Variants in RAB3B observed in about 807,000 individuals in gnomAD.
RAB3B encodes the protein ras-related protein Rab-3B.
RAB3B carries 11 observed loss-of-function variants against 20.5 expected under a neutral mutation model. The observed-to-expected ratio is 0.54, with a 90% confidence interval of 0.34 to 0.89. The LOEUF is 0.89. Ranked by LOEUF, RAB3B falls within the 40% of genes least tolerant of loss-of-function variation. The pLI, the probability that RAB3B is intolerant of heterozygous loss-of-function variation, is 0.02. For missense variants in RAB3B, 225 were observed against 280.9 expected, an observed-to-expected ratio of 0.80 and a Z score of 1.42; for synonymous variants, 99 against 106.3, an observed-to-expected ratio of 0.93 and a Z score of 0.42.
chr1:51,951,131 C>CTT (rs35854435), intron 2 of RAB3B, among the ~76,000 whole-genome samples: 13 of 145,018 alleles, frequency 9.0e-5, no homozygotes, highest in African/African-American at 3.3e-4. Context: ...GTGATGCAGA[C>CTT]TTTTTTTTTT....
chr1:51,977,660 C>T (rs1685028187), intron 1 of RAB3B, among the ~76,000 whole-genome samples: 1 of 152,052 alleles, frequency 6.6e-6, no homozygotes, highest in Admixed American at 6.6e-5. Context: ...CAGTAAAGGG[C>T]TATCATTCTC....
intron 4 of RAB3B, among the ~76,000 whole-genome samples, chr1:51,926,994 C>T (rs1286330878): frequency 1.3e-5 from 2 of 152,192 alleles, no homozygotes; most frequent in Non-Finnish European, 2.9e-5. Context: ...ATAATGCAGC[C>T]TTCTGTGCTA....
At chr1:51,981,920 TG>T (rs1685093875) in intron 1 of RAB3B, among the ~76,000 whole-genome samples, 1 of 152,242 alleles carries the variant, frequency 6.6e-6, no homozygotes, top group South Asian at 2.1e-4. Flanking sequence ...TAAATGACTA[TG>T]TTACTGGCTT....
At chr1:51,956,353 C>A (rs1299403394) in intron 2 of RAB3B, among the ~76,000 whole-genome samples, 1 of 152,118 alleles carries the variant, frequency 6.6e-6, no homozygotes, top group African/African-American at 2.4e-5. Context: ...CTTCATCAGT[C>A]TTCATAACCA....
chr1:51,945,576 C>T lies in RAB3B; in HGVS notation c.229-8164G>A, dbSNP rs80058408. On this transcript the variant is annotated intron_variant, in intron 2 of 4. Transcript: ENST00000371655. ...TGAGGATTAATAATGTTATTATATG[C>T]GAAATGCTTAGAACAGTTCCTGCTG... 2.7e-3 allele frequency among the ~76,000 whole-genome samples: 409 copies of T among 152,220 alleles called. 14 individuals are homozygous for T. The East Asian group carries it at 0.057, about 21-fold the overall frequency.
intron 1 of RAB3B, among the ~76,000 whole-genome samples, chr1:51,989,170 G>A (rs1384926742): frequency 7.5e-6 from 1 of 132,484 alleles, no homozygotes; most frequent in Non-Finnish European, 1.6e-5. Flanking sequence ...CTTTCCATCT[G>A]GATTCCAGGA....
chr1:51,941,075 C>T (rs557101026), intron 2 of RAB3B, among the ~76,000 whole-genome samples: 21 of 151,872 alleles, frequency 1.4e-4, no homozygotes, highest in African/African-American at 1.9e-4. Context: ...GAATCTGCAC[C>T]GAGCCCAGGA....
At chr1:51,987,904 G>A (rs1685171937) in intron 1 of RAB3B, among the ~76,000 whole-genome samples, 1 of 151,910 alleles carries the variant, frequency 6.6e-6, no homozygotes, top group Admixed American at 6.6e-5. Context: ...TAAGAGATGG[G>A]TGTCACTCTG....
Position 51,910,517 on chromosome 1 carries a change from G to T in RAB3B, c.*9410C>A, listed in dbSNP as rs562944777. 1.3e-5 allele frequency: 2 copies of T among 152,222 alleles called. No individual in the cohort carries two copies. The highest frequency in any genetic ancestry group is 3.9e-4 in the East Asian group (2 of 5,172). 9.4% of individuals were successfully genotyped at this position (152,222 alleles called of 1,614,324 possible). On this transcript the variant is annotated 3_prime_UTR_variant, in exon 5 of 5. Coordinates refer to ENST00000371655, the MANE Select transcript of RAB3B (RefSeq NM_002867.4). ...GGACCATCCAAACACAAATTGCTAA[G>T]ATGCTTTCTGGCAGCCTCAGAAACC...
intron 4 of RAB3B, among the ~76,000 whole-genome samples, chr1:51,932,498 G>A (rs1175457556): frequency 1.3e-5 from 2 of 152,140 alleles, no homozygotes; most frequent in Admixed American, 6.5e-5. Flanking sequence ...GGGCACCTAG[G>A]CCTCAAAGGA....
In RAB3B at chr1:51,914,628, A is replaced by G. The variant is rs1054977556; in HGVS notation, c.*5299T>C. 3 of 152,254 alleles carry G rather than the reference A, an allele frequency of 2.0e-5. No individual in the cohort carries two copies. In the East Asian group the frequency reaches 5.8e-4, roughly 29 times the overall value. The allele number at this position is 152,254 out of a possible 1,614,324, so 9.4% of individuals were successfully genotyped here. A position where few individuals can be genotyped will look rare whatever the true frequency, so the allele number is the denominator to read the frequency against. On this transcript the variant is annotated 3_prime_UTR_variant, in exon 5 of 5. Transcript: ENST00000371655. The stretch of plus-strand genomic sequence containing the variant: ...ATATAATGGATCAGGACCTTAAAAA[A>G]CCATCATTTAACAGTATTTATATCT...
At chr1:51,934,035 C>T (rs981258654) in intron 3 of RAB3B, among the ~76,000 whole-genome samples, 9 of 152,192 alleles carry the variant, frequency 5.9e-5, no homozygotes, top group Non-Finnish European at 1.2e-4. Flanking sequence ...CATCCCTCTC[C>T]TCACTGGGCA....
intron 2 of RAB3B, among the ~76,000 whole-genome samples, chr1:51,965,141 C>A (rs1684831873): frequency 6.6e-6 from 1 of 151,586 alleles, no homozygotes; most frequent in Admixed American, 6.6e-5. Context: ...ATTACTTGAA[C>A]CTGGGAGGCA....
At chr1:51,949,860 GC>G (rs1275074547) in intron 2 of RAB3B, among the ~76,000 whole-genome samples, 34 of 152,220 alleles carry the variant, frequency 2.2e-4, no homozygotes, top group South Asian at 4.1e-4. Flanking sequence ...CAGTGCCACA[GC>G]CTTTTGGGTA....
At chr1:51,945,494 T>C (rs1458635234) in intron 2 of RAB3B, among the ~76,000 whole-genome samples, 1 of 152,230 alleles carries the variant, frequency 6.6e-6, no homozygotes, top group African/African-American at 2.4e-5. Context: ...ATTATGGTGA[T>C]CTGGAACTGA....
At chr1:51,967,515 C>CTTTTCTTTTTCTTTTTTTT (rs1444732568) in intron 2 of RAB3B, among the ~76,000 whole-genome samples, 1 of 16,436 alleles carries the variant, frequency 6.1e-5, no homozygotes, top group African/African-American at 9.3e-5. Flanking sequence ...CTTTTCTTTT[C>CTTTTCTTTTTCTTTTTTTT]TTTTTCTTTT....
chr1:51,927,618 A>T (rs991491400), intron 4 of RAB3B, among the ~76,000 whole-genome samples: 8 of 152,052 alleles, frequency 5.3e-5, no homozygotes, highest in Non-Finnish European at 1.2e-4. Context: ...TCTACCAAAA[A>T]AGCAAGCAAA....
At chr1:51,970,911 T>G (rs1010883976) in intron 2 of RAB3B, among the ~76,000 whole-genome samples, 13 of 147,646 alleles carry the variant, frequency 8.8e-5, no homozygotes, top group African/African-American at 3.3e-4. Context: ...CTCGGGAGAC[T>G]GAGGCAGGAG....
intron 3 of RAB3B, among the ~76,000 whole-genome samples, chr1:51,934,204 AC>A (rs1476027653): frequency 6.6e-6 from 1 of 151,924 alleles, no homozygotes; most frequent in East Asian, 1.9e-4. Flanking sequence ...TGCCTCCCTA[AC>A]CTTTTTACTC....
Sources: gnomAD v4.1 joint callset for allele counts (sites outside exome capture counted in the v4.1 genomes callset) on GRCh38, gnomAD v4.1.1 for gene constraint, MANE v1.5 for transcripts, NCBI Gene and HGNC (gene_info 2026-07-23, HGNC 2026-07-21) for gene names.